Variants in COL5A1 observed in about 807,000 individuals in gnomAD.
COL5A1 encodes collagen type V alpha 1 chain, also known as collagen alpha-1(V) chain.
In COL5A1, 16 loss-of-function variants were observed where a neutral mutation model predicts 263.7. The ratio of observed to expected loss-of-function variants is 0.06; its 90% CI spans 0.04 to 0.09. COL5A1 has a LOEUF of 0.09. Among genes scored for constraint, COL5A1 ranks in the 10% least tolerant of loss-of-function variants. The pLI is 1.00. For missense variants in COL5A1, 2,036 were observed against 2,540.5 expected, an observed-to-expected ratio of 0.80 and a Z score of 4.27; for synonymous variants, 1,012 against 1,004.5, an observed-to-expected ratio of 1.01 and a Z score of -0.14.
At chr9:134,822,291 C>A in intron 59 of COL5A1, 141 bp downstream of exon 59, 2 of 711,744 alleles carry the variant, frequency 2.8e-6, no homozygotes, top group East Asian at 2.5e-5. Flanking sequence ...TGGATTTGCC[C>A]ATTAACTCAA....
Position 134,721,391 on chromosome 9 carries a change from C to G in COL5A1, c.655-5875C>G, listed in dbSNP as rs564318344. Among the ~76,000 whole-genome samples the G allele has an allele frequency of 1.1e-4, 16 of 152,198 alleles. 1 individual carries two copies. The East Asian group carries it at 2.1e-3, about 20-fold the overall frequency. On this transcript the variant is annotated intron_variant, in intron 4 of 65. Transcript: ENST00000371817. ...CCCCCATGACCCCGTTAGGGCTGTTCTGTGCCTCTCGTCACCCCATGGCAC... is the reference window on the plus strand; with the variant it reads ...CCCCCATGACCCCGTTAGGGCTGTTGTGTGCCTCTCGTCACCCCATGGCAC...
At chr9:134,646,410 C>T (rs756941026) in intron 1 of COL5A1, among the ~76,000 whole-genome samples, 2 of 152,116 alleles carry the variant, frequency 1.3e-5, no homozygotes, top group Non-Finnish European at 2.9e-5. Flanking sequence ...GACCCTCCTT[C>T]GTGGGGTCCT....
At chr9:134,839,182 G>A (rs1413417382) in intron 65 of COL5A1, among the ~76,000 whole-genome samples, 2 of 152,214 alleles carry the variant, frequency 1.3e-5, no homozygotes, top group African/African-American at 4.8e-5. Context: ...CGCTGAGCGG[G>A]CCCAGTGGAG....
chr9:134,728,582 C>A, intron 5 of COL5A1, 88 bp from the exon 6 acceptor site: 1 of 1,583,912 alleles, frequency 6.3e-7, no homozygotes, highest in Non-Finnish European at 8.6e-7. Flanking sequence ...TCGTGGCGTG[C>A]AGATCTGGAG....
At chr9:134,776,098 A>G (rs1837042446) in intron 27 of COL5A1, among the ~76,000 whole-genome samples, 1 of 152,138 alleles carries the variant, frequency 6.6e-6, no homozygotes, top group African/African-American at 2.4e-5. Context: ...CCCGACTTCC[A>G]TTTCCCAGGA....
At chr9:134,823,590 C>A in intron 61 of COL5A1, 121 bp downstream of exon 61, 1 of 1,068,556 alleles carries the variant, frequency 9.4e-7, no homozygotes, top group Non-Finnish European at 1.4e-6. Flanking sequence ...GTGGCATGCC[C>A]GGGCCTTGTC....
At chr9:134,669,518 T>G (rs1253452632) in intron 1 of COL5A1, among the ~76,000 whole-genome samples, 1 of 152,054 alleles carries the variant, frequency 6.6e-6, no homozygotes, top group Non-Finnish European at 1.5e-5. Context: ...TTCCACTGTC[T>G]ACACTAGGCG....
At chr9:134,717,883 A>G (rs34991142) in intron 4 of COL5A1, among the ~76,000 whole-genome samples, 38,306 of 151,334 alleles carry the variant, frequency 0.25, 5,018 homozygotes, top group East Asian at 0.41. Context: ...CCAGGCAGTC[A>G]TGGGGGGGCT....
Position 134,815,597 on chromosome 9 carries a change from G to C in COL5A1, c.4036G>C (p.Asp1346His), listed in dbSNP as rs745715678. ...GSPGPVGFPG[D>H]PGPPGEPGPA... is the part of the protein sequence containing the mutation. ...TCAGGGCCCAGTGGGTTTTCCTGGA[G>C]ATCCTGGCCCCCCCGGAGAGCCTGG... is the stretch of plus-strand genomic sequence containing the variant. Residue 1346 changes from aspartate (D) to histidine (H), a missense_variant, in exon 51 of 66, where the codon GAT becomes CAT. This residue lies in a region of COL5A1 where 1,078 missense variants were observed against 1,521.4 expected (regional missense o/e 0.71). Coordinates refer to ENST00000371817, the MANE Select transcript of COL5A1 (RefSeq NM_000093.5). The C allele has an allele frequency of 6.2e-7, 1 of 1,613,686 alleles. No individual in the cohort carries two copies. The highest frequency in any genetic ancestry group is 2.2e-5 in the East Asian group (1 of 44,886).
At chr9:134,824,561 T>A in intron 61 of COL5A1, 39 bp from the exon 62 acceptor site, 1 of 1,611,994 alleles carries the variant, frequency 6.2e-7, no homozygotes, top group Non-Finnish European at 8.5e-7. Flanking sequence ...ACCCTTCCCA[T>A]CCTCCATCAC....
At chr9:134,734,654 C>T (rs1016103970) in intron 9 of COL5A1, among the ~76,000 whole-genome samples, 1 of 152,218 alleles carries the variant, frequency 6.6e-6, no homozygotes, top group African/African-American at 2.4e-5. Context: ...TCAGCCAGAC[C>T]AGAGGCTCCC....
chr9:134,820,418 C>G (rs1226124189), intron 58 of COL5A1, among the ~76,000 whole-genome samples, 195 bp downstream of exon 58: 4 of 152,172 alleles, frequency 2.6e-5, no homozygotes, highest in Non-Finnish European at 4.4e-5. Flanking sequence ...CTGGGCAGAG[C>G]CGTCTCCCAG....
chr9:134,727,653 C>T (rs1834711052), intron 5 of COL5A1, among the ~76,000 whole-genome samples: 1 of 152,186 alleles, frequency 6.6e-6, no homozygotes, highest in Admixed American at 6.5e-5. Flanking sequence ...TGGTGAATGC[C>T]CAGTGCTCTC....
chr9:134,805,166 T>C lies in COL5A1; in HGVS notation c.3210T>C (p.Ala1070=), dbSNP rs776325045. 2 of 1,613,906 alleles carry C rather than the reference T, an allele frequency of 1.2e-6. No homozygotes were observed. The highest frequency in any genetic ancestry group is 1.7e-6 in the Non-Finnish European group (2 of 1,179,992). The change falls in exon 41 of 66, where the codon GCT becomes GCC. Residue 1070 remains alanine (A), a synonymous_variant. Coordinates refer to ENST00000371817, the MANE Select transcript of COL5A1 (RefSeq NM_000093.5). ...GDRGLPGPVG[A]LGLKGNEGPP... is the part of the protein sequence containing the mutation. ...ACCTTTTCATGGCTTTGCAGGGAGC[T>C]CTTGGACTGAAAGGCAATGAAGGGC...
chr9:134,797,153 G>A (rs1339667776), intron 36 of COL5A1, among the ~76,000 whole-genome samples: 1 of 152,176 alleles, frequency 6.6e-6, no homozygotes, highest in South Asian at 2.1e-4. Flanking sequence ...AGGGCTGCAC[G>A]CTGGGGTCCT....
At chr9:134,839,188 T>C (rs1216764962) in intron 65 of COL5A1, among the ~76,000 whole-genome samples, 2 of 152,196 alleles carry the variant, frequency 1.3e-5, no homozygotes, top group African/African-American at 4.8e-5. Flanking sequence ...GCGGGCCCAG[T>C]GGAGAGGCAC....
intron 11 of COL5A1, among the ~76,000 whole-genome samples, chr9:134,746,246 C>A (rs1478783509): frequency 6.6e-6 from 1 of 152,186 alleles, no homozygotes; most frequent in Non-Finnish European, 1.5e-5. Flanking sequence ...TGGACAGAAC[C>A]ACATGCACAC....
chr9:134,726,997 A>G (rs1049536853), intron 4 of COL5A1, among the ~76,000 whole-genome samples: 1 of 150,714 alleles, frequency 6.6e-6, no homozygotes, highest in Non-Finnish European at 1.5e-5. Context: ...GGATGAACGA[A>G]TGAGTGGATG....
At chr9:134,782,761 G>A (rs183365505) in intron 29 of COL5A1, 41 bp downstream of exon 29, 2 of 1,598,020 alleles carry the variant, frequency 1.3e-6, no homozygotes, top group African/African-American at 2.7e-5. Context: ...GGGAAAGCTG[G>A]GTGGGCTTGG....
Sources: gnomAD v4.1 joint callset for allele counts (sites outside exome capture counted in the v4.1 genomes callset) on GRCh38, gnomAD v4.1.1 for gene constraint, gnomAD v4.1.1 regional missense constraint, MANE v1.5 for transcripts, NCBI Gene and HGNC (gene_info 2026-07-23, HGNC 2026-07-21) for gene names.